SAMD4A: variants seen among roughly 807,000 people sequenced by gnomAD.
SAMD4A encodes the protein protein Smaug homolog 1.
SAMD4A carries 33 observed loss-of-function variants against 81.3 expected under a neutral mutation model. The ratio of observed to expected loss-of-function variants is 0.41; its 90% confidence interval spans 0.31 to 0.54. SAMD4A has a LOEUF of 0.54. Among genes scored for constraint, SAMD4A ranks in the 20% least tolerant of loss-of-function variants. The probability of loss-of-function intolerance (pLI) is 0.37; values close to 1 mark genes in which losing one functional copy is unlikely to be tolerated. For missense variants in SAMD4A, 854 were observed against 951.1 expected, an observed-to-expected ratio of 0.90 and a Z score of 1.34; for synonymous variants, 389 against 382.1, an observed-to-expected ratio of 1.02 and a Z score of -0.21.
chr14:54,779,016 G>A (rs1193451144), intron 11 of SAMD4A, among the ~76,000 whole-genome samples: 1 of 152,192 alleles, frequency 6.6e-6, no homozygotes, highest in Non-Finnish European at 1.5e-5. Flanking sequence ...CTCCTACCCA[G>A]GGACGACACC....
At chr14:54,627,168 A>G (rs2034784362) in intron 2 of SAMD4A, among the ~76,000 whole-genome samples, 1 of 152,316 alleles carries the variant, frequency 6.6e-6, no homozygotes, top group South Asian at 2.1e-4. Flanking sequence ...TTCCTTCAGT[A>G]CTTACCCTAC....
At chr14:54,600,692 T>C (rs2034030131) in intron 2 of SAMD4A, among the ~76,000 whole-genome samples, 1 of 152,198 alleles carries the variant, frequency 6.6e-6, no homozygotes, top group African/African-American at 2.4e-5. Flanking sequence ...GTAGGATCCA[T>C]TGTTGAAGGT....
chr14:54,716,831 G>T (rs1594851523), intron 3 of SAMD4A, among the ~76,000 whole-genome samples: 2 of 152,050 alleles, frequency 1.3e-5, no homozygotes, highest in Non-Finnish European at 2.9e-5. Context: ...TAAGTGGCTT[G>T]TGTTGTTTTT....
At chr14:54,644,618 T>C (rs2035246180) in intron 2 of SAMD4A, among the ~76,000 whole-genome samples, 2 of 152,224 alleles carry the variant, frequency 1.3e-5, no homozygotes, top group Non-Finnish European at 2.9e-5. Flanking sequence ...TCACTGCCTC[T>C]GTGTGGAACC....
At chr14:54,730,271 C>G (rs985319156) in intron 3 of SAMD4A, among the ~76,000 whole-genome samples, 1 of 152,154 alleles carries the variant, frequency 6.6e-6, no homozygotes, top group African/African-American at 2.4e-5. Flanking sequence ...TGAATAAAAA[C>G]GAGATGTCAT....
chr14:54,641,507 C>T (rs569030591), intron 2 of SAMD4A, among the ~76,000 whole-genome samples: 7 of 152,290 alleles, frequency 4.6e-5, no homozygotes, highest in South Asian at 2.1e-4. Flanking sequence ...TACACTCGTG[C>T]GTTCACTACA....
intron 2 of SAMD4A, among the ~76,000 whole-genome samples, chr14:54,678,613 A>G (rs1278258255): frequency 1.4e-5 from 2 of 143,118 alleles, no homozygotes; most frequent in African/African-American, 5.8e-5. Flanking sequence ...CAGCGGCGCG[A>G]TCACGGCTCA....
intron 7 of SAMD4A, among the ~76,000 whole-genome samples, chr14:54,761,265 A>G (rs1247332624): frequency 6.6e-6 from 1 of 152,206 alleles, no homozygotes; most frequent in Non-Finnish European, 1.5e-5. Context: ...CTGAGCTTAC[A>G]CAGCTGATGG....
intron 2 of SAMD4A, among the ~76,000 whole-genome samples, chr14:54,578,540 A>G (rs1334662851): frequency 1.3e-5 from 2 of 151,876 alleles, no homozygotes; most frequent in African/African-American, 2.4e-5. Context: ...GCGAAACCCC[A>G]TCTCTAACAA....
At chr14:54,627,549 G>A (rs1230647101) in intron 2 of SAMD4A, among the ~76,000 whole-genome samples, 1 of 152,206 alleles carries the variant, frequency 6.6e-6, no homozygotes, top group East Asian at 1.9e-4. Flanking sequence ...CCAGAATGTG[G>A]ACAGGAAAAC....
intron 3 of SAMD4A, among the ~76,000 whole-genome samples, chr14:54,721,755 G>A (rs950010006): frequency 6.6e-6 from 1 of 152,136 alleles, no homozygotes; most frequent in Non-Finnish European, 1.5e-5. Flanking sequence ...AACTAGGCTG[G>A]AGAGAATGGA....
chr14:54,597,127 G>C (rs1235404672), intron 2 of SAMD4A, among the ~76,000 whole-genome samples: 1 of 147,712 alleles, frequency 6.8e-6, no homozygotes, highest in African/African-American at 2.5e-5. Flanking sequence ...TTTGAAAAAT[G>C]GAAGATTTGG....
intron 10 of SAMD4A, among the ~76,000 whole-genome samples, chr14:54,775,527 T>A (rs17127934): frequency 2.0e-5 from 3 of 152,022 alleles, no homozygotes; most frequent in African/African-American, 7.3e-5. Context: ...CAGTCCCAGC[T>A]CTGGTGGAGC....
intron 9 of SAMD4A, among the ~76,000 whole-genome samples, chr14:54,772,092 G>C (rs143611632): frequency 3.0e-4 from 46 of 152,284 alleles, no homozygotes; most frequent in African/African-American, 9.9e-4. Context: ...ATCTTTTTGT[G>C]CTATTAATTT....
At chr14:54,699,970 A>T (rs2036671152) in intron 2 of SAMD4A, among the ~76,000 whole-genome samples, 1 of 152,220 alleles carries the variant, frequency 6.6e-6, no homozygotes, top group African/African-American at 2.4e-5. Context: ...ACTTGAAGTG[A>T]GTCAAGCATC....
At chr14:54,618,510 C>T (rs2034542389) in intron 2 of SAMD4A, among the ~76,000 whole-genome samples, 1 of 152,224 alleles carries the variant, frequency 6.6e-6, no homozygotes, top group African/African-American at 2.4e-5. Flanking sequence ...TTTAGCCAAA[C>T]CATCTCCATC....
At chr14:54,637,643 C>G (rs987203981) in intron 2 of SAMD4A, among the ~76,000 whole-genome samples, 1 of 152,094 alleles carries the variant, frequency 6.6e-6, no homozygotes, top group Non-Finnish European at 1.5e-5. Context: ...ACAGAGCTTG[C>G]CAACAGCAGC....
chr14:54,765,120 C>T (rs1038576534), intron 8 of SAMD4A, among the ~76,000 whole-genome samples: 3 of 152,064 alleles, frequency 2.0e-5, no homozygotes, highest in South Asian at 2.1e-4. Context: ...TTTGGCATGG[C>T]GGGGCTAGGC....
chr14:54,748,545 G>C (rs1461538576), intron 4 of SAMD4A, among the ~76,000 whole-genome samples: 1 of 152,112 alleles, frequency 6.6e-6, no homozygotes, highest in Admixed American at 6.5e-5. Flanking sequence ...AATTTTAGGG[G>C]ATTTCTGAAT....
Sources: gnomAD v4.1 joint callset for allele counts (sites outside exome capture counted in the v4.1 genomes callset) on GRCh38, gnomAD v4.1.1 for gene constraint, MANE v1.5 for transcripts, NCBI Gene and HGNC (gene_info 2026-07-23, HGNC 2026-07-21) for gene names.